Variants in TGFBI observed in about 807,000 individuals in gnomAD.
The protein encoded by TGFBI is transforming growth factor beta induced.
TGFBI carries 50 observed loss-of-function variants against 73.7 expected under a neutral mutation model. That is an observed-to-expected ratio of 0.68 (90% CI 0.54 to 0.86). TGFBI has a LOEUF of 0.86. Ranked by LOEUF, TGFBI falls within the 40% of genes least tolerant of loss-of-function variation. The pLI is 0.00. For missense variants in TGFBI, 839 were observed against 877.0 expected (o/e 0.96, Z 0.55); for synonymous variants, 362 against 360.5 (o/e 1.00, Z -0.05).
intron 1 of TGFBI, among the ~76,000 whole-genome samples, chr5:136,029,675 T>C (rs1747828256): frequency 6.6e-6 from 1 of 152,134 alleles, no homozygotes; most frequent in African/African-American, 2.4e-5. Context: ...GCTCCTGTGC[T>C]CCTGGCCAGG....
In TGFBI at chr5:136,029,068, G is replaced by C. The variant is rs1444408295; in HGVS notation, c.13G>C (p.Val5Leu). 1.3e-6 allele frequency: 2 copies of C among 1,527,646 alleles called. No homozygotes were observed. Among genetic ancestry groups the C allele is most frequent in the Admixed American group, 2.0e-5 (1 of 50,734 alleles). The allele number at this position is 1,527,646 out of a possible 1,614,324, so 94.6% of individuals were successfully genotyped here. ...GTCGTCCCGCTCCATGGCGCTCTTC[G>C]TGCGGCTGCTGGCTCTCGCCCTGGC... is the stretch of plus-strand genomic sequence containing the variant. Reference protein sequence around the residue: MALFVRLLALALALA... With the variant: MALFLRLLALALALA... The change falls in exon 1 of 17, where the codon GTG (valine) becomes CTG (leucine). Residue 5 changes from valine (V) to leucine (L), a missense_variant. Coordinates refer to ENST00000442011, the MANE Select transcript of TGFBI (RefSeq NM_000358.3).
Position 136,046,905 on chromosome 5 carries a change from C to T in TGFBI, c.514C>T (p.Arg172Cys), listed in dbSNP as rs374172528. 47 of 1,613,740 alleles carry T rather than the reference C, an allele frequency of 2.9e-5. No individual in the cohort carries two copies. Among genetic ancestry groups the T allele is most frequent in the East Asian group, 2.2e-4 (10 of 44,834 alleles). ...CAACATTGAGCTGCTCAATGCCCTC[C>T]GCTACCATATGGTGGGCAGGCGAGT... ...NVNIELLNAL[R>C]YHMVGRRVLT... Residue 172 changes from arginine to cysteine, a missense_variant, in exon 5 of 17, where the codon CGC (arginine) becomes TGC (cysteine). Transcript: ENST00000442011.
At chr5:136,062,609 C>A in intron 15 of TGFBI, 54 bp from the exon 16 acceptor site, 12 of 1,538,162 alleles carry the variant, frequency 7.8e-6, no homozygotes, top group Non-Finnish European at 1.1e-5. Context: ...TTGTCATAAG[C>A]AGTTGCAGGT....
chr5:136,029,001 A>G lies in TGFBI; in HGVS notation c.-55A>G. ...GGCGGAGGCGCTCTCACTTCCCTGG[A>G]GCCGCCCGCTTGCCCGTCGGTCGCT... On this transcript the variant is annotated 5_prime_UTR_variant, in exon 1 of 17. Coordinates refer to ENST00000442011, the MANE Select transcript of TGFBI (RefSeq NM_000358.3). 6.6e-7 allele frequency: 1 copy of G among 1,504,306 alleles called. No homozygotes were observed. The highest frequency in any genetic ancestry group is 1.2e-5 in the South Asian group (1 of 80,638). The allele number at this position is 1,504,306 out of a possible 1,614,324, so 93.2% of individuals were successfully genotyped here.
intron 2 of TGFBI, among the ~76,000 whole-genome samples, chr5:136,042,937 C>G (rs1283538710): frequency 6.6e-6 from 1 of 152,186 alleles, no homozygotes; most frequent in Non-Finnish European, 1.5e-5. Context: ...GCCCTAAAGC[C>G]TGTATTTCTT....
chr5:136,054,211 C>A, intron 9 of TGFBI, 131 bp downstream of exon 9: 2 of 1,277,454 alleles, frequency 1.6e-6, no homozygotes, highest in Non-Finnish European at 2.2e-6. Flanking sequence ...CAACCAAAAG[C>A]AGATGTGACT....
chr5:136,052,827 C>A, intron 7 of TGFBI, 80 bp from the exon 8 acceptor site: 1 of 1,383,486 alleles, frequency 7.2e-7, no homozygotes, highest in Non-Finnish European at 1.0e-6. Flanking sequence ...AGGATCCTCA[C>A]AGCATGGGCA....
intron 14 of TGFBI, 120 bp downstream of exon 14, chr5:136,061,056 C>A: frequency 1.3e-6 from 1 of 756,132 alleles, no homozygotes; most frequent in Non-Finnish European, 2.1e-6. Flanking sequence ...GATAGTTAAA[C>A]TGTGCCTATG....
In TGFBI at chr5:136,063,699, G is replaced by A. The variant is rs573094725; in HGVS notation, c.*473G>A. On this transcript the variant is annotated 3_prime_UTR_variant, in exon 17 of 17. Transcript: ENST00000442011. ...TGTCAAATGTGTCTCACATCTACAC[G>A]TGGCTTGGAGGCTTTTATGGGGCCC... The A allele has an allele frequency of 1.3e-4, 22 of 169,032 alleles. No individual in the cohort carries two copies. Among genetic ancestry groups the A allele is most frequent in the Non-Finnish European group, 2.4e-4 (19 of 78,524 alleles). The allele number at this position is 169,032 out of a possible 1,614,324, so 10.5% of individuals were successfully genotyped here.
chr5:136,047,388 A>C lies in TGFBI; in HGVS notation c.739A>C (p.Ile247Leu), dbSNP rs370262564. 1.1e-4 allele frequency: 176 copies of C among 1,613,176 alleles called. No homozygotes were observed. Among genetic ancestry groups the C allele is most frequent in the Non-Finnish European group, 1.4e-4 (164 of 1,179,324 alleles). ...CATCACCAACAACATCCAGCAGATC[A>C]TTGAGATCGAGGACACCTTTGAGAC... ...STITNNIQQI[I>L]EIEDTFETLR... is the part of the protein sequence containing the mutation. Residue 247 changes from isoleucine to leucine, a missense_variant, in exon 6 of 17, where the codon ATT becomes CTT. Transcript: ENST00000442011.
intron 2 of TGFBI, among the ~76,000 whole-genome samples, chr5:136,039,850 G>C (rs971711219): frequency 1.3e-5 from 2 of 152,166 alleles, no homozygotes; most frequent in Non-Finnish European, 2.9e-5. Context: ...GTGTTTCCAA[G>C]ACCAGGAGGG....
At position 136,061,523 on chromosome 5, in the gene TGFBI, G is replaced by T; in HGVS notation, c.1930G>T (p.Asp644Tyr). ...AGCCAACAGACCTCAGGAAAGAGGG[G>T]ATGAACTTGCAGACTCTGCGCTTGA... The part of the protein sequence containing the change: ...PPANRPQERG[D>Y]ELADSALEIF... Residue 644 changes from aspartate to tyrosine, a missense_variant, in exon 15 of 17, where the codon GAT (aspartate) becomes TAT (tyrosine). Transcript: ENST00000442011. 1 of 1,610,220 alleles carries T rather than the reference G, an allele frequency of 6.2e-7. No homozygotes were observed. The highest frequency in any genetic ancestry group is 8.5e-7 in the Non-Finnish European group (1 of 1,178,236).
rs769919748 is a variant in TGFBI at position 136,049,439 on chromosome 5, G to T, written c.772G>T (p.Ala258Ser). The T allele has an allele frequency of 6.2e-7, 1 of 1,613,606 alleles. No individual in the cohort carries two copies. Among genetic ancestry groups the T allele is most frequent in the African/African-American group, 1.3e-5 (1 of 74,930 alleles). ...EIEDTFETLR[A>S]AVAASGLNTM... Reference sequence around the variant, plus strand: ...ACTCCATCTTCTCTCCTCCCCACAGGCTGCTGTGGCTGCATCAGGGCTCAA... The same window carrying T: ...ACTCCATCTTCTCTCCTCCCCACAGTCTGCTGTGGCTGCATCAGGGCTCAA... The change falls in exon 7 of 17, where the codon GCT becomes TCT. Residue 258 changes from alanine to serine, a missense_variant and splice_region_variant. By Grantham distance (99) the Ala-to-Ser change is moderately conservative (BLOSUM62 1). Coordinates refer to ENST00000442011, the MANE Select transcript of TGFBI (RefSeq NM_000358.3).
intron 15 of TGFBI, among the ~76,000 whole-genome samples, chr5:136,061,892 C>T (rs1751755734): frequency 6.6e-6 from 1 of 152,250 alleles, no homozygotes; most frequent in Non-Finnish European, 1.5e-5. Context: ...AAGAGGGCAG[C>T]CCATCCCAAG....
chr5:136,041,943 G>T (rs1751346110), intron 2 of TGFBI, among the ~76,000 whole-genome samples: 1 of 152,200 alleles, frequency 6.6e-6, no homozygotes, highest in Admixed American at 6.5e-5. Flanking sequence ...AGCTTTCCCA[G>T]GGGCTCCATG....
At position 136,061,570 on chromosome 5, in the gene TGFBI, G is replaced by A. The variant is rs79829394; in HGVS notation, c.1977G>A (p.Ala659=). The change falls in exon 15 of 17, where the codon GCG becomes GCA. Residue 659 remains alanine (A), a synonymous_variant. Coordinates refer to ENST00000442011, the MANE Select transcript of TGFBI (RefSeq NM_000358.3). ...SALEIFKQAS[A]FSRASQRSVR... ...TTGAGATCTTCAAACAAGCATCAGCGTTTTCCAGGGTAAGATGCCTGCTAG... is the reference window on the plus strand; with the variant it reads ...TTGAGATCTTCAAACAAGCATCAGCATTTTCCAGGGTAAGATGCCTGCTAG... The A allele has an allele frequency of 1.3e-5, 21 of 1,613,498 alleles. No homozygotes were observed. The highest frequency in any genetic ancestry group is 1.1e-4 in the East Asian group (5 of 44,868).
chr5:136,033,672 C>A, intron 1 of TGFBI, 91 bp from the exon 2 acceptor site: 1 of 1,006,474 alleles, frequency 9.9e-7, no homozygotes. Context: ...CTAGAAAGTT[C>A]CAGTGACCCA....
Position 136,029,008 on chromosome 5 carries a change from C to A in TGFBI, c.-48C>A. ...GCGCTCTCACTTCCCTGGAGCCGCC[C>A]GCTTGCCCGTCGGTCGCTAGCTCGC... On this transcript the variant is annotated 5_prime_UTR_variant, in exon 1 of 17. Transcript: ENST00000442011. 1 of 1,507,450 alleles carries A rather than the reference C, an allele frequency of 6.6e-7. No individual in the cohort carries two copies. The highest frequency in any genetic ancestry group is 8.8e-7 in the Non-Finnish European group (1 of 1,135,060). 93.4% of individuals were successfully genotyped at this position (1,507,450 alleles called of 1,614,324 possible).
Position 136,052,961 on chromosome 5 carries a change from C to CG in TGFBI, c.972dup (p.Leu325AlafsTer31). Reference sequence around the variant, plus strand: ...GCTATGTGTGCTGAAGCCATCGTTGCGGGGCTGTCTGTAGAGACCCTGGAG... The same window carrying CG: ...GCTATGTGTGCTGAAGCCATCGTTGCGGGGGCTGTCTGTAGAGACCCTGGAG... On this transcript the variant is annotated frameshift_variant, in exon 8 of 17. Transcript: ENST00000442011. LOFTEE classifies it high-confidence loss of function. 1.2e-6 allele frequency: 2 copies of CG among 1,614,016 alleles called. No homozygotes were observed.
Sources: allele counts gnomAD v4.1 joint callset (sites outside exome capture counted in the v4.1 genomes callset), GRCh38; gene constraint gnomAD v4.1.1; transcripts MANE v1.5; gene names NCBI Gene and HGNC (gene_info 2026-07-23, HGNC 2026-07-21).